ANK2: variants seen among roughly 807,000 people sequenced by gnomAD.
ANK2 encodes ankyrin 2.
In ANK2, 83 loss-of-function variants were observed where a neutral mutation model predicts 360.5. That is an observed-to-expected ratio of 0.23 (90% CI 0.19 to 0.28). ANK2 has a LOEUF of 0.28. Ranked by LOEUF, ANK2 falls within the 10% of genes least tolerant of loss-of-function variation. The probability of loss-of-function intolerance (pLI) is 1.00; values close to 1 mark genes in which losing one functional copy is unlikely to be tolerated. For missense variants in ANK2, 4,201 were observed against 4,795.7 expected (o/e 0.88, Z 3.66); for synonymous variants, 1,740 against 1,759.5 (o/e 0.99, Z 0.28).
At chr4:113,315,025 C>T (rs554931484) in intron 24 of ANK2, among the ~76,000 whole-genome samples, 1 of 152,054 alleles carries the variant, frequency 6.6e-6, no homozygotes, top group East Asian at 1.9e-4. Context: ...TCTCTCTACT[C>T]TAATCAATTT....
At chr4:112,763,695 C>T in the ANK2 span, among the ~76,000 whole-genome samples, 1 of 150,216 alleles carries the variant, frequency 6.7e-6, no homozygotes, top group Non-Finnish European at 1.5e-5. Flanking sequence ...CGGGGCCCGA[C>T]TAATTTTTTT....
intron 4 of ANK2, among the ~76,000 whole-genome samples, chr4:113,208,084 A>G (rs1182299911): frequency 1.3e-5 from 2 of 150,228 alleles, no homozygotes; most frequent in African/African-American, 2.5e-5. Flanking sequence ...TTTATGAGCC[A>G]TATTAAGGTT....
At chr4:113,256,989 T>C (rs1452484534) in intron 11 of ANK2, among the ~76,000 whole-genome samples, 1 of 152,240 alleles carries the variant, frequency 6.6e-6, no homozygotes, top group African/African-American at 2.4e-5. Flanking sequence ...CATGTGCATG[T>C]GGCTATTTAT....
chr4:112,950,848 C>G (rs1333828512), intron 2 of ANK2, among the ~76,000 whole-genome samples: 1 of 149,878 alleles, frequency 6.7e-6, no homozygotes, highest in African/African-American at 2.5e-5. Context: ...TTTGGGAGGC[C>G]GAAGCGGGCG....
At chr4:113,087,123 G>A (rs535993532) in intron 1 of ANK2, among the ~76,000 whole-genome samples, 1 of 152,358 alleles carries the variant, frequency 6.6e-6, no homozygotes, top group East Asian at 1.9e-4. Flanking sequence ...GGAGTATAGT[G>A]CTGTGAGCAG....
At chr4:113,332,465 C>T (rs2092687661) in intron 28 of ANK2, among the ~76,000 whole-genome samples, 1 of 152,176 alleles carries the variant, frequency 6.6e-6, no homozygotes, top group Admixed American at 6.5e-5. Context: ...TGTTCCGGAT[C>T]CTGAATATAA....
the ANK2 span, among the ~76,000 whole-genome samples, chr4:112,768,299 G>A: frequency 6.6e-6 from 1 of 151,862 alleles, no homozygotes; most frequent in Admixed American, 6.6e-5. Context: ...TGTCACCCAG[G>A]CTGGAGTGCA....
At chr4:112,795,006 C>A in the ANK2 span, among the ~76,000 whole-genome samples, 2 of 152,166 alleles carry the variant, frequency 1.3e-5, no homozygotes, top group East Asian at 3.8e-4. Flanking sequence ...TGTCAAGCAA[C>A]AATAGCAGTA....
chr4:113,154,754 C>G (rs1029577409), intron 1 of ANK2, among the ~76,000 whole-genome samples: 1 of 152,022 alleles, frequency 6.6e-6, no homozygotes, highest in Non-Finnish European at 1.5e-5. Flanking sequence ...TCAGTCTTTC[C>G]TTTGGTATTG....
At chr4:113,001,453 C>G (rs1008558732) in intron 2 of ANK2, among the ~76,000 whole-genome samples, 7 of 151,866 alleles carry the variant, frequency 4.6e-5, no homozygotes, top group African/African-American at 1.7e-4. Context: ...AAGTGGTTGA[C>G]ATATTCTTGA....
intron 7 of ANK2, among the ~76,000 whole-genome samples, chr4:113,239,087 A>T (rs1157312053): frequency 6.6e-6 from 1 of 152,170 alleles, no homozygotes; most frequent in Non-Finnish European, 1.5e-5. Flanking sequence ...AAAATATGAA[A>T]ATTTGACATT....
chr4:113,045,342 C>T (rs1249129561), upstream of ANK2, among the ~76,000 whole-genome samples: 1 of 152,164 alleles, frequency 6.6e-6, no homozygotes, highest in African/African-American at 2.4e-5. Flanking sequence ...CTTTTCCTGG[C>T]ATTTTCCATC....
At chr4:112,712,869 C>T in the ANK2 span, among the ~76,000 whole-genome samples, 1 of 152,060 alleles carries the variant, frequency 6.6e-6, no homozygotes, top group Non-Finnish European at 1.5e-5. Flanking sequence ...TTTTAATAGA[C>T]ATATAGTAAA....
At chr4:113,075,011 TGA>T (rs1239499320) in intron 1 of ANK2, among the ~76,000 whole-genome samples, 2 of 152,344 alleles carry the variant, frequency 1.3e-5, no homozygotes, top group East Asian at 3.9e-4. Flanking sequence ...GGTCCTCAGA[TGA>T]GCAGCATTGG....
chr4:113,226,951 A>G (rs1034869381), intron 4 of ANK2, among the ~76,000 whole-genome samples: 2 of 152,200 alleles, frequency 1.3e-5, no homozygotes, highest in East Asian at 1.9e-4. Context: ...TCATACCTAC[A>G]TGCAACTAGA....
rs373762462 is a variant in ANK2, at chr4:112,873,702, A to ATT, written c.-39-30739_-39-30738dup. Among the ~76,000 whole-genome samples the ATT allele has an allele frequency of 7.6e-3, 1,002 of 132,066 alleles. 11 individuals are homozygous for ATT. Among genetic ancestry groups the ATT allele is most frequent in the African/African-American group, 0.025 (910 of 36,356 alleles). The allele number at this position is 132,066 out of a possible 152,430, so 86.6% of individuals were successfully genotyped here. A position where few individuals can be genotyped will look rare whatever the true frequency, so the allele number is the denominator to read the frequency against. ...CAGGCACCCGCCACCACGCTTGGCT[A>ATT]TTTTTTTTTTTTTTTGTATTTTTGG... On this transcript the variant is annotated intron_variant, in intron 1 of 30. Coordinates refer to the ANK2 transcript ENST00000503271.
chr4:112,940,471 A>G (rs7689257), intron 2 of ANK2, among the ~76,000 whole-genome samples: 66,307 of 151,978 alleles, frequency 0.44, 18,813 homozygotes, highest in African/African-American at 0.79. Context: ...ACACACACAG[A>G]GAAGATCTAA....
chr4:113,178,486 T>C (rs939439388), intron 2 of ANK2, among the ~76,000 whole-genome samples: 15 of 150,564 alleles, frequency 1.0e-4, no homozygotes, highest in Middle Eastern at 3.4e-3. Flanking sequence ...GTGGGGGAAT[T>C]GCTTGAACTA....
chr4:113,086,288 A>G (rs1326478733), intron 1 of ANK2, among the ~76,000 whole-genome samples: 1 of 152,226 alleles, frequency 6.6e-6, no homozygotes, highest in African/African-American at 2.4e-5. Context: ...TTTTTGTACA[A>G]TGAAACTCTT....
Sources: gnomAD v4.1 joint callset for allele counts (sites outside exome capture counted in the v4.1 genomes callset) on GRCh38, gnomAD v4.1.1 for gene constraint, MANE v1.5 for transcripts, NCBI Gene and HGNC (gene_info 2026-07-23, HGNC 2026-07-21) for gene names.